CYFIP1: variants seen among roughly 807,000 people sequenced by gnomAD.
CYFIP1 encodes the protein cytoplasmic FMR1 interacting protein 1, also known as cytoplasmic FMR1-interacting protein 1.
In CYFIP1, 58 loss-of-function variants were observed where a neutral mutation model predicts 163.5. The ratio of observed to expected loss-of-function variants is 0.35; its 90% CI spans 0.29 to 0.44. The LOEUF is 0.44. CYFIP1 is among the 20% of genes least tolerant of loss of function. CYFIP1 has a pLI of 1.00. For missense variants in CYFIP1, 1,338 were observed against 1,653.8 expected (o/e 0.81, Z 3.31); for synonymous variants, 663 against 660.7 (o/e 1.00, Z -0.05).
chr15:22,952,902 G>A (rs2062307531), intron 1 of CYFIP1, among the ~76,000 whole-genome samples: 1 of 152,164 alleles, frequency 6.6e-6, no homozygotes. Context: ...AGAGCACCGT[G>A]CGGAGTGCTG....
At position 22,893,961 on chromosome 15, in the gene CYFIP1, C is replaced by G. The variant is rs2060151318; in HGVS notation, c.2589-984G>C. On this transcript the variant is annotated intron_variant, in intron 22 of 30. Coordinates refer to ENST00000617928, the MANE Select transcript of CYFIP1 (RefSeq NM_014608.6). ...TGCGCCTGTGTTCTTAACACCCGTTCCAGGAAGTACATTCCATCAGGAGGC... is the reference window on the plus strand; with the variant it reads ...TGCGCCTGTGTTCTTAACACCCGTTGCAGGAAGTACATTCCATCAGGAGGC... Among the ~76,000 whole-genome samples, 5 of 152,170 alleles carry G rather than the reference C, an allele frequency of 3.3e-5. 1 individual carries two copies. The highest frequency in any genetic ancestry group is 3.3e-4 in the Admixed American group (5 of 15,272).
chr15:22,976,922 G>A (rs765544179), intron 1 of CYFIP1, among the ~76,000 whole-genome samples: 3 of 152,086 alleles, frequency 2.0e-5, no homozygotes, highest in South Asian at 2.1e-4. Flanking sequence ...TCGCCAGGCC[G>A]GGCCCGGTGG....
At chr15:22,895,624 T>C (rs1275878777) in intron 22 of CYFIP1, among the ~76,000 whole-genome samples, 9 of 152,174 alleles carry the variant, frequency 5.9e-5, no homozygotes, top group Non-Finnish European at 1.2e-4. Flanking sequence ...CACCTGACTT[T>C]ATGCTAGCAA....
chr15:22,928,116 A>C, intron 11 of CYFIP1, 88 bp from the exon 12 acceptor site: 4 of 1,360,320 alleles, frequency 2.9e-6, no homozygotes, highest in Non-Finnish European at 2.9e-6. Flanking sequence ...ATCCACCCCA[A>C]AGTCACACGT....
intron 17 of CYFIP1, among the ~76,000 whole-genome samples, chr15:22,913,793 C>T (rs987015977): frequency 1.6e-4 from 24 of 152,028 alleles, no homozygotes; most frequent in Admixed American, 9.8e-4. Context: ...CAGCTCCTCA[C>T]GCCACCCCAA....
At chr15:22,926,443 A>G (rs2061360358) in intron 12 of CYFIP1, among the ~76,000 whole-genome samples, 1 of 152,202 alleles carries the variant, frequency 6.6e-6, no homozygotes, top group Admixed American at 6.5e-5. Flanking sequence ...AGGTTGAGGC[A>G]GGAGGATCAC....
chr15:22,900,076 T>C (rs1595548938), intron 22 of CYFIP1, among the ~76,000 whole-genome samples: 1 of 152,172 alleles, frequency 6.6e-6, no homozygotes, highest in Non-Finnish European at 1.5e-5. Flanking sequence ...TCCTAGTACC[T>C]CAGAATGTGA....
rs185009159 is a variant in CYFIP1, at chr15:22,867,140, A to G, written c.*2888T>C. The G allele has an allele frequency of 1.1e-5, 5 of 454,226 alleles. No homozygotes were observed. The highest frequency in any genetic ancestry group is 2.0e-5 in the African/African-American group (1 of 49,166). The allele number at this position is 454,226 out of a possible 1,614,324, so 28.1% of individuals were successfully genotyped here. ...ATGCACTAATGACAGTTTTAAGTCTATGAAAATGCTTTATTTTTTCATTGG... is the reference window on the plus strand; with the variant it reads ...ATGCACTAATGACAGTTTTAAGTCTGTGAAAATGCTTTATTTTTTCATTGG... On this transcript the variant is annotated 3_prime_UTR_variant, in exon 31 of 31. Coordinates refer to ENST00000617928, the MANE Select transcript of CYFIP1 (RefSeq NM_014608.6).
At position 22,895,725 on chromosome 15, in the gene CYFIP1, G is replaced by A. The variant is rs145394031; in HGVS notation, c.2589-2748C>T. Among the ~76,000 whole-genome samples, 33 of 152,288 alleles carry A rather than the reference G, an allele frequency of 2.2e-4. No individual in the cohort carries two copies. In the East Asian group the frequency reaches 6.4e-3, roughly 29 times the overall value. On this transcript the variant is annotated intron_variant, in intron 22 of 30. Coordinates refer to ENST00000617928, the MANE Select transcript of CYFIP1 (RefSeq NM_014608.6). ...GCCTGGTGAACTCAGCTGACTTCCT[G>A]GGAGGTGAAGGGCTGGAGGCTGAGC...
chr15:22,883,393 C>T (rs2059826172), intron 23 of CYFIP1, among the ~76,000 whole-genome samples: 1 of 152,200 alleles, frequency 6.6e-6, no homozygotes, highest in Non-Finnish European at 1.5e-5. Flanking sequence ...TCAGGATGCA[C>T]AGGGCACCCC....
At chr15:22,908,764 A>C (rs2060678161) in intron 21 of CYFIP1, among the ~76,000 whole-genome samples, 1 of 151,750 alleles carries the variant, frequency 6.6e-6, no homozygotes, top group Non-Finnish European at 1.5e-5. Flanking sequence ...CCTGACCTCA[A>C]ATGATCCACC....
At chr15:22,924,620 A>G (rs186647664) in intron 13 of CYFIP1, among the ~76,000 whole-genome samples, 4 of 152,190 alleles carry the variant, frequency 2.6e-5, no homozygotes, top group Admixed American at 2.6e-4. Flanking sequence ...GCTGGCATTT[A>G]TATTTGTTCT....
intron 21 of CYFIP1, chr15:22,904,211 C>T (rs1430428458): frequency 4.4e-6 from 2 of 453,556 alleles, no homozygotes; most frequent in Non-Finnish European, 8.2e-6. Flanking sequence ...CCCCATGTGC[C>T]CGCTGAGCCC....
chr15:22,924,775 A>G (rs1354352376), intron 13 of CYFIP1, among the ~76,000 whole-genome samples: 1 of 152,158 alleles, frequency 6.6e-6, no homozygotes, highest in Non-Finnish European at 1.5e-5. Context: ...TTATGTCAAA[A>G]AATCAGAAAA....
chr15:22,937,642 G>A (rs61509240), intron 8 of CYFIP1, among the ~76,000 whole-genome samples: 72,915 of 147,688 alleles, frequency 0.49, 18,201 homozygotes, highest in Middle Eastern at 0.6. Context: ...TCTGTCACCC[G>A]GGCTGGAGTG....
intron 9 of CYFIP1, 110 bp downstream of exon 9, chr15:22,936,994 C>G: frequency 1.4e-6 from 1 of 738,606 alleles, no homozygotes; most frequent in Non-Finnish European, 2.3e-6. Context: ...AGACTCCACC[C>G]AGCCCCAGCG....
At position 22,917,127 on chromosome 15, in the gene CYFIP1, C is replaced by T; in HGVS notation, c.1675-497G>A. 6.9e-7 allele frequency: 1 copy of T among 1,446,100 alleles called. No homozygotes were observed. The highest frequency in any genetic ancestry group is 9.0e-7 in the Non-Finnish European group (1 of 1,105,632). 89.6% of individuals were successfully genotyped at this position (1,446,100 alleles called of 1,614,324 possible). ...GACACGGGACGCACGCAGAGGGAGG[C>T]AGGGAGGGTGGCTGGCACCACGCAC... On this transcript the variant is annotated intron_variant, in intron 15 of 30. Coordinates refer to ENST00000617928, the MANE Select transcript of CYFIP1 (RefSeq NM_014608.6). The surrounding 1 kb of genome is among the most constrained non-coding windows in gnomAD (Gnocchi z 4.2).
In CYFIP1 at chr15:22,903,777, G is replaced by A. The variant is rs773858273; in HGVS notation, c.2517C>T (p.Ile839=). Residue 839 remains isoleucine (I), a synonymous_variant, in exon 22 of 31, where the codon ATC becomes ATT. Coordinates refer to ENST00000617928, the MANE Select transcript of CYFIP1 (RefSeq NM_014608.6). ...NHNVSAPYGR[I]TLHVFWELNY... ...TGAGCTCCCAGAAGACGTGCAGGGT[G>A]ATCCTCCCGTAGGGCGCTGACACGT... 2 of 1,614,202 alleles carry A rather than the reference G, an allele frequency of 1.2e-6. No individual in the cohort carries two copies. Among genetic ancestry groups the A allele is most frequent in the Non-Finnish European group, 1.7e-6 (2 of 1,180,044 alleles).
intron 22 of CYFIP1, among the ~76,000 whole-genome samples, chr15:22,902,527 T>C (rs111849762): frequency 0.016 from 2,398 of 152,366 alleles, 64 homozygotes; most frequent in African/African-American, 0.054. Context: ...AATTTTGATA[T>C]ATTACTTGTG....
Sources: gnomAD v4.1 joint callset for allele counts (sites outside exome capture counted in the v4.1 genomes callset) on GRCh38, gnomAD v4.1.1 for gene constraint, Gnocchi (gnomAD v3.1) non-coding constraint, MANE v1.5 for transcripts, NCBI Gene and HGNC (gene_info 2026-07-23, HGNC 2026-07-21) for gene names.